RPS6KA2: variants seen among roughly 807,000 people sequenced by gnomAD.
RPS6KA2 encodes the protein ribosomal protein S6 kinase A2.
A neutral mutation model predicts 91.8 loss-of-function variants in RPS6KA2; 42 were observed. The observed-to-expected ratio is 0.46, with a 90% CI of 0.36 to 0.59. The LOEUF (loss-of-function observed/expected upper bound fraction) is 0.59, where lower values mean the gene tolerates loss of function less well. RPS6KA2 is among the 20% of genes least tolerant of loss of function. RPS6KA2 has a pLI of 0.00. For missense variants in RPS6KA2, 798 were observed against 978.5 expected (o/e 0.82, Z 2.46); for synonymous variants, 414 against 393.6 (o/e 1.05, Z -0.61).
At chr6:166,818,723 T>C (rs1779831697) in intron 2 of RPS6KA2, among the ~76,000 whole-genome samples, 1 of 152,160 alleles carries the variant, frequency 6.6e-6, no homozygotes, top group Non-Finnish European at 1.5e-5. Context: ...AATTATTTTT[T>C]AGTCGAGATG....
In RPS6KA2 at chr6:166,563,606, A is replaced by C. The variant is rs576428839; in HGVS notation, c.100-24822T>G. ...TCCCCTCCACACAGGGTAGCCCCCA[A>C]CTCCAGCCAGAGGGAGCCAAGACCT... On this transcript the variant is annotated intron_variant, in intron 1 of 20. Transcript: ENST00000265678. The surrounding 1 kb of genome is among the most constrained non-coding windows in gnomAD (Gnocchi z 4.1). 6.6e-6 allele frequency among the ~76,000 whole-genome samples: 1 copy of C among 151,274 alleles called. No homozygotes were observed. The highest frequency in any genetic ancestry group is 2.4e-5 in the African/African-American group (1 of 41,236).
At chr6:166,502,580 G>A (rs1478153151) in intron 6 of RPS6KA2, among the ~76,000 whole-genome samples, 6 of 152,212 alleles carry the variant, frequency 3.9e-5, no homozygotes, top group Non-Finnish European at 8.8e-5. Flanking sequence ...AGCCAGGGCC[G>A]CACGAGGAGG....
intron 2 of RPS6KA2, among the ~76,000 whole-genome samples, chr6:166,835,202 T>G (rs1780287325): frequency 6.6e-6 from 1 of 152,258 alleles, no homozygotes; most frequent in Admixed American, 6.5e-5. Context: ...ACCACATCAC[T>G]GTAGTATAGC....
chr6:166,710,299 T>C (rs1388355686), intron 2 of RPS6KA2, among the ~76,000 whole-genome samples: 2 of 152,216 alleles, frequency 1.3e-5, no homozygotes, highest in Non-Finnish European at 2.9e-5. Context: ...TAGCCTTTAA[T>C]CAGTTATATT....
rs562857107 is a variant in RPS6KA2 at position 166,756,207 on chromosome 6, G to A, written c.123+101993C>T. 1.8e-3 allele frequency among the ~76,000 whole-genome samples: 280 copies of A among 151,912 alleles called. 3 individuals carry two copies. The highest frequency in any genetic ancestry group is 6.3e-3 in the African/African-American group (259 of 41,440). ...CGGGAGGGTGAGGCAGGAGAATGGCGTGAACCCAGGAGGCAGAGCTTGCAG... is the reference window on the plus strand; with the variant it reads ...CGGGAGGGTGAGGCAGGAGAATGGCATGAACCCAGGAGGCAGAGCTTGCAG... On this transcript the variant is annotated intron_variant, in intron 2 of 21. Coordinates refer to the RPS6KA2 transcript ENST00000503859.
At chr6:166,457,591 T>C (rs1217642547) in intron 12 of RPS6KA2, among the ~76,000 whole-genome samples, 1 of 152,038 alleles carries the variant, frequency 6.6e-6, no homozygotes, top group East Asian at 1.9e-4. Flanking sequence ...CCAAAAGAAG[T>C]AACTGAGCAG....
At chr6:166,688,365 C>T (rs998309069) in intron 2 of RPS6KA2, among the ~76,000 whole-genome samples, 1 of 152,206 alleles carries the variant, frequency 6.6e-6, no homozygotes, top group East Asian at 1.9e-4. Flanking sequence ...ATTTCCCACT[C>T]GTGTCCCACC....
chr6:166,589,393 T>C (rs1172370968), intron 1 of RPS6KA2, among the ~76,000 whole-genome samples: 2 of 152,230 alleles, frequency 1.3e-5, no homozygotes. Context: ...TTCTAAATTA[T>C]TGCCATTACA....
intron 1 of RPS6KA2, among the ~76,000 whole-genome samples, chr6:166,550,747 A>C (rs921786448): frequency 6.6e-6 from 1 of 152,128 alleles, no homozygotes; most frequent in Admixed American, 6.5e-5. Flanking sequence ...TCACGCCTGT[A>C]ATCCCAGCAC....
chr6:166,591,677 G>T (rs1424323197), intron 1 of RPS6KA2, among the ~76,000 whole-genome samples: 1 of 152,160 alleles, frequency 6.6e-6, no homozygotes, highest in African/African-American at 2.4e-5. Context: ...AGAGAGCTTG[G>T]TCTTGCCCAG....
At chr6:166,824,464 T>C (rs547050106) in intron 2 of RPS6KA2, among the ~76,000 whole-genome samples, 2 of 152,372 alleles carry the variant, frequency 1.3e-5, no homozygotes, top group Admixed American at 6.5e-5. Context: ...GTGGCAGTTT[T>C]CACTTAAAAG....
rs920711129 is a variant in RPS6KA2 at position 166,459,842 on chromosome 6, AT to A, written c.973-292del. On this transcript the variant is annotated intron_variant, in intron 11 of 20. Transcript: ENST00000265678. The surrounding 1 kb of genome is among the most constrained non-coding windows in gnomAD (Gnocchi z 4.9). ...TTTGGGGACATGCCAAGTGTTCTTC[AT>A]TTTAGGGCAATAGTTTTCTAGCTTC... is the stretch of plus-strand genomic sequence containing the variant. 2.6e-5 allele frequency among the ~76,000 whole-genome samples: 4 copies of A among 152,230 alleles called. No homozygotes were observed. Among genetic ancestry groups the A allele is most frequent in the Non-Finnish European group, 5.9e-5 (4 of 68,038 alleles).
chr6:166,771,894 C>A (rs989936165), intron 2 of RPS6KA2, among the ~76,000 whole-genome samples: 1 of 152,172 alleles, frequency 6.6e-6, no homozygotes, highest in African/African-American at 2.4e-5. Context: ...AGGGGTCCAG[C>A]GATTCTTCCC....
Position 166,655,313 on chromosome 6 carries a change from A to G in RPS6KA2, c.124-116529T>C, listed in dbSNP as rs368503711. Among the ~76,000 whole-genome samples the G allele has an allele frequency of 2.6e-5, 4 of 152,376 alleles. No homozygotes were observed. The South Asian group carries it at 8.3e-4, about 32-fold the overall frequency. On this transcript the variant is annotated intron_variant, in intron 2 of 21. Transcript: ENST00000503859. ...TACAGGAAGAAAACACCAAGGACAC[A>G]TAACAAGCATCACTGCACCACCCAC... is the stretch of plus-strand genomic sequence containing the variant.
At chr6:166,790,354 G>T (rs1442963538) in intron 2 of RPS6KA2, among the ~76,000 whole-genome samples, 2 of 152,332 alleles carry the variant, frequency 1.3e-5, no homozygotes, top group Middle Eastern at 3.4e-3. Context: ...CAAGAAATAT[G>T]GGACTACGTG....
intron 2 of RPS6KA2, chr6:166,757,439 C>T (rs879241717): frequency 1.1e-5 from 5 of 449,102 alleles, no homozygotes; most frequent in East Asian, 1.4e-4. Context: ...CCTGGCCGCC[C>T]AAGCTCTGTC....
intron 2 of RPS6KA2, among the ~76,000 whole-genome samples, chr6:166,744,016 G>GT (rs1236680169): frequency 6.6e-6 from 1 of 152,152 alleles, no homozygotes. Flanking sequence ...CAACCACCGA[G>GT]TGCAGTGCTG....
intron 2 of RPS6KA2, among the ~76,000 whole-genome samples, chr6:166,674,762 G>A (rs561205288): frequency 6.6e-6 from 1 of 152,230 alleles, no homozygotes; most frequent in East Asian, 1.9e-4. Context: ...TCCGCCTCCC[G>A]GGTTCAAGCT....
intron 2 of RPS6KA2, among the ~76,000 whole-genome samples, chr6:166,739,002 T>A (rs1790741011): frequency 6.6e-6 from 1 of 152,168 alleles, no homozygotes. Context: ...TGTGAACAAC[T>A]GAATACAAAT....
Sources: gnomAD v4.1 joint callset for allele counts (sites outside exome capture counted in the v4.1 genomes callset) on GRCh38, gnomAD v4.1.1 for gene constraint, Gnocchi (gnomAD v3.1) non-coding constraint, MANE v1.5 for transcripts, NCBI Gene and HGNC (gene_info 2026-07-23, HGNC 2026-07-21) for gene names.